DRC9: variants seen among roughly 807,000 people sequenced by gnomAD.
The protein encoded by DRC9 is dynein regulatory complex subunit 9, also known as dynein regulatory complex protein 9.
the DRC9 span, among the ~76,000 whole-genome samples, chr3:197,954,603 A>G: frequency 6.6e-6 from 1 of 152,128 alleles, no homozygotes. Flanking sequence ...TTTGCCTCCA[A>G]AGTTCATGTG....
At chr3:197,956,593 A>G in the DRC9 span, 1 of 151,770 alleles carries the variant, frequency 6.6e-6, no homozygotes, top group Non-Finnish European at 1.5e-5. Context: ...ATGCTAAAAT[A>G]AAACAACTAA....
At chr3:197,899,120 A>C in the DRC9 span, among the ~76,000 whole-genome samples, 478 of 152,342 alleles carry the variant, frequency 3.1e-3, 5 homozygotes, top group African/African-American at 0.011. Flanking sequence ...ATAAAAGATC[A>C]ATAATCCTTT....
chr3:197,924,739 C>G, the DRC9 span, among the ~76,000 whole-genome samples: 1 of 152,034 alleles, frequency 6.6e-6, no homozygotes, highest in South Asian at 2.1e-4. Flanking sequence ...AGGATGGTCT[C>G]GATCTCTTAA....
the DRC9 span, among the ~76,000 whole-genome samples, chr3:197,939,824 T>C: frequency 6.6e-6 from 1 of 152,176 alleles, no homozygotes; most frequent in South Asian, 2.1e-4. Context: ...CTGTGACCTC[T>C]GGGATGCCCC....
the DRC9 span, chr3:197,955,955 T>A: frequency 1.6e-6 from 1 of 617,932 alleles, no homozygotes; most frequent in African/African-American, 1.8e-5. Context: ...GTACAGAGAT[T>A]TAGAAGGGAA....
chr3:197,944,029 G>A, the DRC9 span: 3 of 1,613,962 alleles, frequency 1.9e-6, no homozygotes, highest in South Asian at 1.1e-5. Context: ...TTTGGAGGAA[G>A]GTTTGAGTCT....
the DRC9 span, among the ~76,000 whole-genome samples, chr3:197,900,359 C>T: frequency 6.6e-6 from 1 of 152,222 alleles, no homozygotes; most frequent in Admixed American, 6.5e-5. The surrounding 1 kb of genome is among the most constrained non-coding windows in gnomAD (Gnocchi z 4.7). Context: ...GAGATTTCCC[C>T]TTCTTCTGTT....
At chr3:197,925,991 G>T in the DRC9 span, 1 of 1,074,964 alleles carries the variant, frequency 9.3e-7, no homozygotes, top group South Asian at 1.2e-5. Context: ...GTGTTAGCTC[G>T]GTCACTTTTG....
At chr3:197,955,666 A>C in the DRC9 span, 3 of 1,189,906 alleles carry the variant, frequency 2.5e-6, no homozygotes, top group Non-Finnish European at 3.8e-6. Flanking sequence ...GTAGCCTTTC[A>C]GAGATTTATC....
At chr3:197,925,916 A>T in the DRC9 span, 4 of 740,614 alleles carry the variant, frequency 5.4e-6, no homozygotes, top group Admixed American at 7.7e-5. Flanking sequence ...GCCGGAGGAA[A>T]CAACAATCTT....
chr3:197,932,272 G>A, the DRC9 span: 1 of 1,611,742 alleles, frequency 6.2e-7, no homozygotes, highest in Non-Finnish European at 8.5e-7. Flanking sequence ...ACTCCTTAAT[G>A]GTATCTGCAA....
At chr3:197,889,320 T>TC in the DRC9 span, 2 of 486,104 alleles carry the variant, frequency 4.1e-6, no homozygotes, top group African/African-American at 3.8e-5. Flanking sequence ...GAATGAATCT[T>TC]CACAGGACTA....
the DRC9 span, among the ~76,000 whole-genome samples, chr3:197,922,484 T>A: frequency 2.0e-5 from 3 of 152,102 alleles, no homozygotes; most frequent in African/African-American, 7.2e-5. Context: ...GGCGGGTGGA[T>A]CACCTGAGGT....
the DRC9 span, chr3:197,955,851 A>G: frequency 8.4e-7 from 1 of 1,193,042 alleles, no homozygotes; most frequent in South Asian, 1.2e-5. Context: ...ACTACCTTAA[A>G]TTGATTTGCT....
the DRC9 span, chr3:197,926,171 AC>A: frequency 1.2e-6 from 1 of 849,950 alleles, no homozygotes; most frequent in Admixed American, 2.0e-5. Context: ...CACAAGGACC[AC>A]CCCGCACATA....
At chr3:197,892,697 C>T in the DRC9 span, 11 of 1,614,010 alleles carry the variant, frequency 6.8e-6, no homozygotes, top group Non-Finnish European at 9.3e-6. Flanking sequence ...TTAGTTCATT[C>T]TGTTTCATTT....
At chr3:197,956,605 G>C in the DRC9 span, 2 of 150,088 alleles carry the variant, frequency 1.3e-5, no homozygotes, top group African/African-American at 4.9e-5. Context: ...AACAACTAAG[G>C]CATCAGTTTT....
At chr3:197,944,603 C>T in the DRC9 span, among the ~76,000 whole-genome samples, 1 of 152,158 alleles carries the variant, frequency 6.6e-6, no homozygotes, top group Non-Finnish European at 1.5e-5. Flanking sequence ...CGTCCACCAA[C>T]ACACCTGGCT....
chr3:197,899,543 G>A, the DRC9 span, among the ~76,000 whole-genome samples: 3 of 152,112 alleles, frequency 2.0e-5, no homozygotes, highest in Admixed American at 6.5e-5. Context: ...GCAACACAGT[G>A]AGAACCCCTG....
Sources: allele counts gnomAD v4.1 joint callset (sites outside exome capture counted in the v4.1 genomes callset), GRCh38; gene constraint gnomAD v4.1.1; non-coding constraint Gnocchi (gnomAD v3.1); transcripts MANE v1.5; gene names NCBI Gene and HGNC (gene_info 2026-07-23, HGNC 2026-07-21).